PRUNE2: variants seen among roughly 807,000 people sequenced by gnomAD.
PRUNE2 encodes the protein protein prune homolog 2.
Under a neutral mutation model 252.0 loss-of-function variants are expected in PRUNE2, and 164 were observed. The observed-to-expected ratio is 0.65, with a 90% confidence interval of 0.57 to 0.74. PRUNE2 has a LOEUF of 0.74. Among genes scored for constraint, PRUNE2 ranks in the 30% least tolerant of loss-of-function variants. The pLI is 0.00. For missense variants in PRUNE2, 3,495 were observed against 3,711.0 expected, an observed-to-expected ratio of 0.94 and a Z score of 1.51; for synonymous variants, 1,292 against 1,350.2, an observed-to-expected ratio of 0.96 and a Z score of 0.94.
intron 6 of PRUNE2, among the ~76,000 whole-genome samples, chr9:76,716,415 C>G (rs1229653174): frequency 1.3e-5 from 2 of 152,192 alleles, no homozygotes; most frequent in African/African-American, 4.8e-5. Flanking sequence ...AAGCACTACT[C>G]CAGAGAGGGA....
intron 1 of PRUNE2, among the ~76,000 whole-genome samples, chr9:76,882,622 G>A (rs1387226288): frequency 6.6e-6 from 1 of 152,190 alleles, no homozygotes; most frequent in Non-Finnish European, 1.5e-5. Flanking sequence ...AGGAGCAAGA[G>A]AGAGAGAGGG....
At chr9:76,778,275 C>G (rs1265423463) in intron 6 of PRUNE2, 2 of 152,214 alleles carry the variant, frequency 1.3e-5, no homozygotes, top group African/African-American at 2.4e-5. Context: ...CTTCTAGAGA[C>G]AGCCAGCATT....
intron 6 of PRUNE2, among the ~76,000 whole-genome samples, chr9:76,767,484 A>G (rs1307882290): frequency 2.0e-5 from 3 of 151,938 alleles, no homozygotes; most frequent in African/African-American, 7.3e-5. Context: ...AAAAGCACAG[A>G]TTCTTTATTT....
At chr9:76,835,252 G>A (rs191212662) in intron 4 of PRUNE2, among the ~76,000 whole-genome samples, 3 of 152,076 alleles carry the variant, frequency 2.0e-5, no homozygotes, top group East Asian at 3.9e-4. Context: ...CAGTAAAGGC[G>A]TATTCTGCAT....
chr9:76,699,022 TCTC>T (rs1472589752), intron 9 of PRUNE2, among the ~76,000 whole-genome samples: 2 of 124,514 alleles, frequency 1.6e-5, no homozygotes, highest in African/African-American at 7.2e-5. Context: ...TTTCCTCTCT[TCTC>T]CTTCCCCACC....
At chr9:76,719,393 T>A (rs979140092) in intron 6 of PRUNE2, among the ~76,000 whole-genome samples, 18 of 152,324 alleles carry the variant, frequency 1.2e-4, no homozygotes, top group African/African-American at 3.8e-4. Flanking sequence ...TCTGAACTCA[T>A]TAATCAAAGA....
At position 76,615,150 on chromosome 9, in the gene PRUNE2, A is replaced by G. The variant is rs187955665; in HGVS notation, c.9237-550T>C. On this transcript the variant is annotated intron_variant, in intron 18 of 18. Transcript: ENST00000376718. ...GAAAAGCTTGTTTTTCAGAAGGTCA[A>G]ATGGGTTCCCAAGTATCTGAGGAGT... The G allele has an allele frequency of 2.7e-5, 27 of 985,718 alleles. No individual in the cohort carries two copies. In the East Asian group the frequency reaches 9.1e-4, roughly 33 times the overall value. 61.1% of individuals were successfully genotyped at this position (985,718 alleles called of 1,614,324 possible).
At chr9:76,691,962 C>A in intron 9 of PRUNE2, 1 of 666,102 alleles carries the variant, frequency 1.5e-6, no homozygotes, top group South Asian at 1.7e-5. Flanking sequence ...CCCCTCCCGT[C>A]TCCCCCGCCA....
At chr9:76,651,620 G>A (rs1005991275) in intron 11 of PRUNE2, among the ~76,000 whole-genome samples, 2 of 152,188 alleles carry the variant, frequency 1.3e-5, no homozygotes, top group Non-Finnish European at 2.9e-5. Context: ...AAAAAAAAAT[G>A]ATTGTATTTG....
chr9:76,698,043 TG>T (rs1185170954), intron 9 of PRUNE2, among the ~76,000 whole-genome samples: 3 of 115,584 alleles, frequency 2.6e-5, no homozygotes, highest in African/African-American at 8.5e-5. Flanking sequence ...AAACTGCAAA[TG>T]TAAAGGATTT....
intron 15 of PRUNE2, among the ~76,000 whole-genome samples, chr9:76,632,940 G>A (rs562605883): frequency 6.1e-4 from 93 of 152,296 alleles, no homozygotes; most frequent in African/African-American, 1.9e-3. Flanking sequence ...CTATGATGCC[G>A]GCTGGGCGCA....
At chr9:76,888,438 G>T (rs1017417291) in intron 1 of PRUNE2, among the ~76,000 whole-genome samples, 1 of 151,952 alleles carries the variant, frequency 6.6e-6, no homozygotes, top group South Asian at 2.1e-4. Flanking sequence ...TTAGCTGGGC[G>T]TGGTGGCGCA....
chr9:76,666,791 C>T (rs888816090), intron 9 of PRUNE2, among the ~76,000 whole-genome samples: 3 of 152,206 alleles, frequency 2.0e-5, no homozygotes, highest in African/African-American at 7.2e-5. Flanking sequence ...TGCAATCTCT[C>T]GTCTCCGCAC....
chr9:76,618,545 A>T (rs1159414254), intron 18 of PRUNE2, among the ~76,000 whole-genome samples: 1 of 152,314 alleles, frequency 6.6e-6, no homozygotes, highest in East Asian at 1.9e-4. Flanking sequence ...CTTGGCCACT[A>T]ATTCGCTCTG....
intron 1 of PRUNE2, among the ~76,000 whole-genome samples, chr9:76,882,050 T>C (rs2061822679): frequency 6.6e-6 from 1 of 152,144 alleles, no homozygotes; most frequent in South Asian, 2.1e-4. Flanking sequence ...ATTTAATATA[T>C]TTATTTTTAA....
chr9:76,862,981 C>T (rs1008661082), intron 1 of PRUNE2: 13 of 152,158 alleles, frequency 8.5e-5, no homozygotes, highest in African/African-American at 3.1e-4. Context: ...TGTTCAATAA[C>T]TATTGAAAAA....
At chr9:76,780,314 A>G (rs1350751217) in intron 6 of PRUNE2, among the ~76,000 whole-genome samples, 1 of 152,120 alleles carries the variant, frequency 6.6e-6, no homozygotes, top group South Asian at 2.1e-4. Context: ...GAAGTGAAAA[A>G]TATCAAAAAT....
intron 6 of PRUNE2, among the ~76,000 whole-genome samples, chr9:76,813,581 A>C (rs898285132): frequency 6.6e-6 from 1 of 152,240 alleles, no homozygotes; most frequent in African/African-American, 2.4e-5. Context: ...ATTGTTGACA[A>C]ACAAATGAAG....
intron 4 of PRUNE2, among the ~76,000 whole-genome samples, chr9:76,827,027 C>T (rs981985674): frequency 1.3e-5 from 2 of 152,156 alleles, no homozygotes; most frequent in Non-Finnish European, 1.5e-5. Flanking sequence ...CAACCCCACA[C>T]AAACACACAA....
Sources: gnomAD v4.1 joint callset for allele counts (sites outside exome capture counted in the v4.1 genomes callset) on GRCh38, gnomAD v4.1.1 for gene constraint, MANE v1.5 for transcripts, NCBI Gene and HGNC (gene_info 2026-07-23, HGNC 2026-07-21) for gene names.